Variants in ADPRM observed in about 807,000 individuals in gnomAD.
ADPRM encodes the protein ADP-ribose/CDP-alcohol diphosphatase, manganese dependent.
Under a neutral mutation model 27.2 loss-of-function variants are expected in ADPRM, and 17 were observed. The ratio of observed to expected loss-of-function variants is 0.63; its 90% CI spans 0.43 to 0.94. ADPRM has a LOEUF of 0.94. Among genes scored for constraint, ADPRM ranks in the 40% least tolerant of loss-of-function variants. The probability of loss-of-function intolerance (pLI) is 0.00; values close to 1 mark genes in which losing one functional copy is unlikely to be tolerated. For synonymous variants in ADPRM, 135 were observed against 145.3 expected, an observed-to-expected ratio of 0.93 and a Z score of 0.51; for missense variants, 337 against 412.8, an observed-to-expected ratio of 0.82 and a Z score of 1.59.
At chr17:10,709,662 G>A (rs2151465031) in intron 3 of ADPRM, among the ~76,000 whole-genome samples, 1 of 151,926 alleles carries the variant, frequency 6.6e-6, no homozygotes, top group South Asian at 2.1e-4. Flanking sequence ...CGAGGTGCTG[G>A]AAAGCAGCAC....
At position 10,705,781 on chromosome 17, in the gene ADPRM, A is replaced by G. The variant is rs2074808886; in HGVS notation, c.601+254A>G. 1 of 505,128 alleles carries G rather than the reference A, an allele frequency of 2.0e-6. No homozygotes were observed. The allele number at this position is 505,128 out of a possible 1,614,324, so 31.3% of individuals were successfully genotyped here. A position where few individuals can be genotyped will look rare whatever the true frequency, so the allele number is the denominator to read the frequency against. ...ATTCCGAGCTGTAAACAATACTAAC[A>G]ATATTACTTTTTTGATGGATGGAAT... On this transcript the variant is annotated intron_variant, in intron 2 of 3. Transcript: ENST00000379774. This position sits in a 1 kb window ranked among gnomAD's most constrained non-coding sequence, Gnocchi z 5.4.
intron 1 of ADPRM, among the ~76,000 whole-genome samples, chr17:10,700,668 T>A (rs781520321): frequency 2.6e-5 from 4 of 150,968 alleles, no homozygotes; most frequent in African/African-American, 4.9e-5. Flanking sequence ...GGAGGCTGAA[T>A]TAGGAGGATC....
chr17:10,703,539 G>T (rs948868903), intron 1 of ADPRM, among the ~76,000 whole-genome samples: 4 of 125,876 alleles, frequency 3.2e-5, no homozygotes, highest in African/African-American at 1.2e-4. Context: ...ATGAAAAGAG[G>T]CCCCTAATTC....
intron 1 of ADPRM, among the ~76,000 whole-genome samples, chr17:10,700,610 C>CA (rs1383501177): frequency 6.7e-6 from 1 of 149,534 alleles, no homozygotes; most frequent in Non-Finnish European, 1.5e-5. Flanking sequence ...AAAAAAAAGC[C>CA]AAAAAAAGTC....
chr17:10,711,356 G>A lies in ADPRM; in HGVS notation c.*212G>A, dbSNP rs445928. On this transcript the variant is annotated 3_prime_UTR_variant, in exon 4 of 4. Transcript: ENST00000379774. ...AGAAACAAACCAGGGAGGAAACTGAGGCAGGGGTGTATAGTCCTCATAAGG... is the reference window on the plus strand; with the variant it reads ...AGAAACAAACCAGGGAGGAAACTGAAGCAGGGGTGTATAGTCCTCATAAGG... 0.45 allele frequency: 241,616 copies of A among 541,078 alleles called. 55,748 individuals carry two copies. Among genetic ancestry groups the A allele is most frequent in the African/African-American group, 0.64 (33,525 of 52,632 alleles). The allele number at this position is 541,078 out of a possible 1,614,324, so 33.5% of individuals were successfully genotyped here.
At chr17:10,703,367 T>TA (rs778374163) in intron 1 of ADPRM, among the ~76,000 whole-genome samples, 4 of 151,954 alleles carry the variant, frequency 2.6e-5, no homozygotes, top group Non-Finnish European at 4.4e-5. Context: ...ATGGGCAAAT[T>TA]AAAAAAAAGT....
rs533959934 is a variant in ADPRM, at chr17:10,704,891, G to A, written c.-17-19G>A. Reference sequence around the variant, plus strand: ...TTAAAACGTTTATAATTTAGTTATCGTCTTTTTACTTTATTTAGAAACCTG... The same window carrying A: ...TTAAAACGTTTATAATTTAGTTATCATCTTTTTACTTTATTTAGAAACCTG... On this transcript the variant is annotated intron_variant, in intron 1 of 3. Coordinates refer to ENST00000379774, the MANE Select transcript of ADPRM (RefSeq NM_020233.5). The A allele has an allele frequency of 2.5e-5, 37 of 1,492,098 alleles. No individual in the cohort carries two copies. Among genetic ancestry groups the A allele is most frequent in the Middle Eastern group, 1.8e-4 (1 of 5,632 alleles). The allele number at this position is 1,492,098 out of a possible 1,614,324, so 92.4% of individuals were successfully genotyped here.
intron 1 of ADPRM, among the ~76,000 whole-genome samples, chr17:10,700,537 A>C (rs1055639677): frequency 2.0e-5 from 3 of 150,784 alleles, no homozygotes; most frequent in Non-Finnish European, 3.0e-5. Flanking sequence ...GGATCACTTG[A>C]GCTCAGGAGC....
rs10690433 is a variant in ADPRM at position 10,709,724 on chromosome 17, T to TAAAAA, written c.719-1104_719-1100dup. On this transcript the variant is annotated intron_variant, in intron 3 of 3. Coordinates refer to ENST00000379774, the MANE Select transcript of ADPRM (RefSeq NM_020233.5). ...TGGTAATCAGCACATGTATGCACTT[T>TAAAAA]AAAAAAAAAATTGTATTACAAACAG... Among the ~76,000 whole-genome samples the TAAAAA allele has an allele frequency of 1.5e-3, 224 of 149,512 alleles. 1 individual carries two copies. The East Asian group carries it at 0.022, about 15-fold the overall frequency.
rs764887802 is a variant in ADPRM, at chr17:10,706,555, G to GT, written c.718+2dup. 1.9e-6 allele frequency: 3 copies of GT among 1,560,116 alleles called. No homozygotes were observed. In the African/African-American group the frequency reaches 4.2e-5, roughly 22 times the overall value. On this transcript the variant is annotated splice_donor_variant, in intron 3 of 3. Transcript: ENST00000379774. LOFTEE classifies it high-confidence loss of function. ...AACCAAGAAAAGGTGGTGATTGTGA[G>GT]TAAGTATTTAATTTATCTGATTACA...
intron 1 of ADPRM, chr17:10,699,063 C>G (rs2074756871): frequency 6.6e-6 from 1 of 152,130 alleles, no homozygotes; most frequent in Non-Finnish European, 1.5e-5. Flanking sequence ...TTAGTAGCAA[C>G]TTCTTCATAT....
intron 3 of ADPRM, among the ~76,000 whole-genome samples, chr17:10,710,151 A>G (rs1031579423): frequency 6.6e-6 from 1 of 152,050 alleles, no homozygotes; most frequent in Non-Finnish European, 1.5e-5. Flanking sequence ...ACCCAGGCTG[A>G]AGTGTGGTGG....
At chr17:10,710,081 C>T (rs906885221) in intron 3 of ADPRM, among the ~76,000 whole-genome samples, 3 of 151,656 alleles carry the variant, frequency 2.0e-5, no homozygotes, top group Non-Finnish European at 1.5e-5. Flanking sequence ...CATGCCTAAA[C>T]TGTTTGTTTA....
intron 3 of ADPRM, among the ~76,000 whole-genome samples, chr17:10,709,964 T>G (rs1276668236): frequency 6.6e-6 from 1 of 152,268 alleles, no homozygotes; most frequent in African/African-American, 2.4e-5. Context: ...TTTAACTCAG[T>G]TTTTCATCTG....
intron 1 of ADPRM, chr17:10,699,207 T>G (rs1407175124): frequency 1.3e-5 from 2 of 152,194 alleles, no homozygotes; most frequent in African/African-American, 4.8e-5. Context: ...AGTTTGAAGC[T>G]GCAGTGAGCT....
At chr17:10,699,457 A>G (rs1414122209) in intron 1 of ADPRM, among the ~76,000 whole-genome samples, 1 of 150,520 alleles carries the variant, frequency 6.6e-6, no homozygotes, top group Non-Finnish European at 1.5e-5. Context: ...CTGTGAAACC[A>G]CCAAAGTCAC....
intron 1 of ADPRM, among the ~76,000 whole-genome samples, chr17:10,700,614 A>C (rs2151461477): frequency 6.6e-6 from 1 of 152,062 alleles, no homozygotes; most frequent in Non-Finnish European, 1.5e-5. Flanking sequence ...AAAAGCCAAA[A>C]AAAGTCAGGT....
At chr17:10,699,350 A>G in intron 1 of ADPRM, 1 of 152,116 alleles carries the variant, frequency 6.6e-6, no homozygotes, top group East Asian at 1.9e-4. Context: ...ATGAATTGCT[A>G]GTAACACCTG....
At chr17:10,710,132 C>T (rs750323823) in intron 3 of ADPRM, among the ~76,000 whole-genome samples, 1 of 152,144 alleles carries the variant, frequency 6.6e-6, no homozygotes, top group Non-Finnish European at 1.5e-5. Context: ...GATGGAGTCT[C>T]GCTTTGTCAC....
Sources: allele counts gnomAD v4.1 joint callset (sites outside exome capture counted in the v4.1 genomes callset), GRCh38; gene constraint gnomAD v4.1.1; non-coding constraint Gnocchi (gnomAD v3.1); transcripts MANE v1.5; gene names NCBI Gene and HGNC (gene_info 2026-07-23, HGNC 2026-07-21).